Variants in GPC3 observed in about 807,000 individuals in gnomAD.
The protein encoded by GPC3 is glypican-3.
Under a neutral mutation model 34.4 loss-of-function variants are expected in GPC3, and 3 were observed. That is an observed-to-expected ratio of 0.09 (90% CI 0.04 to 0.23). The LOEUF (loss-of-function observed/expected upper bound fraction) is 0.23, where lower values mean the gene tolerates loss of function less well. Among genes scored for constraint, GPC3 ranks in the 10% least tolerant of loss-of-function variants. The pLI is 1.00. For synonymous variants in GPC3, 177 were observed against 174.0 expected, an observed-to-expected ratio of 1.02 and a Z score of -0.13; for missense variants, 351 against 445.6, an observed-to-expected ratio of 0.79 and a Z score of 1.91.
At chrX:133,631,598 G>A (rs1369800349) in intron 6 of GPC3, among the ~76,000 whole-genome samples, 1 of 111,639 alleles carries the variant, frequency 9.0e-6, no homozygotes, top group Non-Finnish European at 1.9e-5. Context: ...TGCAGACCTT[G>A]CTCTCAATTG....
At chrX:133,650,090 C>T (rs538438352) in intron 6 of GPC3, among the ~76,000 whole-genome samples, 3 of 111,945 alleles carry the variant, frequency 2.7e-5, no homozygotes, top group South Asian at 7.5e-4. Context: ...CACTCACAAA[C>T]ATATTATATG....
At chrX:133,857,224 T>C (rs2075907545) in intron 2 of GPC3, among the ~76,000 whole-genome samples, 1 of 111,779 alleles carries the variant, frequency 8.9e-6, no homozygotes, top group African/African-American at 3.3e-5. Context: ...TCCTTTTTCC[T>C]CCATCTTTTG....
intron 2 of GPC3, among the ~76,000 whole-genome samples, chrX:133,775,196 A>G (rs1036634220): frequency 1.8e-5 from 2 of 109,796 alleles, no homozygotes; most frequent in African/African-American, 6.6e-5. Context: ...TATCAACATG[A>G]GTTAACTTTT....
At chrX:133,597,566 A>C (rs1295149648) in intron 6 of GPC3, among the ~76,000 whole-genome samples, 3 of 111,384 alleles carry the variant, frequency 2.7e-5, no homozygotes, top group Middle Eastern at 4.3e-3. Context: ...CAGAAAGAAA[A>C]ATTGCTGCAA....
intron 3 of GPC3, among the ~76,000 whole-genome samples, chrX:133,727,546 G>C (rs1275581584): frequency 1.9e-5 from 2 of 103,617 alleles, no homozygotes; most frequent in Non-Finnish European, 3.9e-5. Context: ...ACGAAACACT[G>C]TCTCAAAAAA....
chrX:133,709,467 C>T lies in GPC3; in HGVS notation c.1033-9439G>A, dbSNP rs777052771. Among the ~76,000 whole-genome samples the T allele has an allele frequency of 6.3e-5, 7 of 111,774 alleles. No individual in the cohort carries two copies. The East Asian group carries it at 1.9e-3, about 31-fold the overall frequency. On this transcript the variant is annotated intron_variant, in intron 3 of 7. Coordinates refer to ENST00000370818, the MANE Select transcript of GPC3 (RefSeq NM_004484.4). The stretch of plus-strand genomic sequence containing the variant: ...TTCTCTTGAATCATCTATCATACCA[C>T]TATACAATTTCATTTAATTAAATCT...
intron 2 of GPC3, among the ~76,000 whole-genome samples, chrX:133,815,222 A>G (rs1309681974): frequency 9.5e-6 from 1 of 105,747 alleles, no homozygotes; most frequent in Admixed American, 1.0e-4. Flanking sequence ...GGAATTATGC[A>G]TCATAGTCAC....
At chrX:133,678,743 T>C (rs751360611) in intron 5 of GPC3, among the ~76,000 whole-genome samples, 1 of 111,988 alleles carries the variant, frequency 8.9e-6, no homozygotes, top group African/African-American at 3.2e-5. Context: ...GTATAGGAAT[T>C]TGTAATGGTA....
chrX:133,883,917 G>A (rs931510547), intron 2 of GPC3, among the ~76,000 whole-genome samples: 12 of 111,586 alleles, frequency 1.1e-4, no homozygotes, highest in East Asian at 2.8e-4. Context: ...TTTCTGGCTC[G>A]TTGTCAAAGA....
intron 6 of GPC3, among the ~76,000 whole-genome samples, chrX:133,655,498 ACACACACC>A (rs1312020372): frequency 3.1e-3 from 330 of 108,139 alleles, no homozygotes; most frequent in African/African-American, 0.011. Context: ...ACACACACAC[ACACACACC>A]CACACACACA....
chrX:133,758,206 C>A (rs1358550929), intron 2 of GPC3, among the ~76,000 whole-genome samples: 3 of 111,493 alleles, frequency 2.7e-5, no homozygotes, highest in African/African-American at 9.8e-5. Flanking sequence ...TTGGTATACA[C>A]CCAAAGGAAT....
chrX:133,701,593 G>A (rs1258918291), intron 3 of GPC3, among the ~76,000 whole-genome samples: 2 of 112,344 alleles, frequency 1.8e-5, no homozygotes, highest in Non-Finnish European at 3.8e-5. Context: ...TATCTGGCAA[G>A]GAGAAGGGTT....
intron 1 of GPC3, among the ~76,000 whole-genome samples, chrX:133,980,836 T>C (rs2076534823): frequency 8.9e-6 from 1 of 112,323 alleles, no homozygotes; most frequent in African/African-American, 3.2e-5. Flanking sequence ...AATCCAGGAC[T>C]CTTTTCCCCC....
chrX:133,731,202 A>G lies in GPC3; in HGVS notation c.1032+22280T>C, dbSNP rs1381192437. Among the ~76,000 whole-genome samples, 8 of 112,442 alleles carry G rather than the reference A, an allele frequency of 7.1e-5. No homozygotes were observed. The Admixed American group carries it at 7.5e-4, about 11-fold the overall frequency. On this transcript the variant is annotated intron_variant, in intron 3 of 7. Coordinates refer to ENST00000370818, the MANE Select transcript of GPC3 (RefSeq NM_004484.4). ...TAAGGGAAGCTTGTAATTTCAGAGG[A>G]TACCTCCCATGGCACCTCTAACAGA...
intron 6 of GPC3, among the ~76,000 whole-genome samples, chrX:133,646,718 T>C (rs759711952): frequency 2.7e-5 from 3 of 112,184 alleles, no homozygotes; most frequent in Non-Finnish European, 5.6e-5. Context: ...TTCCCATCTT[T>C]GCTCAATACT....
intron 5 of GPC3, among the ~76,000 whole-genome samples, chrX:133,673,433 G>T (rs911339252): frequency 2.4e-4 from 27 of 112,327 alleles, no homozygotes; most frequent in African/African-American, 8.1e-4. Context: ...CCCCCAAATA[G>T]AATAGCAAAG....
intron 4 of GPC3, among the ~76,000 whole-genome samples, chrX:133,694,915 C>G (rs745644526): frequency 3.6e-5 from 4 of 110,847 alleles, no homozygotes; most frequent in African/African-American, 1.3e-4. Flanking sequence ...CATAAGACCT[C>G]CCACTTTAGT....
intron 6 of GPC3, among the ~76,000 whole-genome samples, chrX:133,599,371 C>T (rs750111108): frequency 8.9e-6 from 1 of 112,234 alleles, no homozygotes; most frequent in African/African-American, 3.2e-5. Flanking sequence ...GTGATGAATA[C>T]AATGACTACT....
chrX:133,718,564 A>G (rs1195739860), intron 3 of GPC3, among the ~76,000 whole-genome samples: 1 of 111,427 alleles, frequency 9.0e-6, no homozygotes, highest in Non-Finnish European at 1.9e-5. Flanking sequence ...TGACAGATAT[A>G]AATCTTACCT....
Sources: allele counts gnomAD v4.1 joint callset (sites outside exome capture counted in the v4.1 genomes callset), GRCh38; gene constraint gnomAD v4.1.1; transcripts MANE v1.5; gene names NCBI Gene and HGNC (gene_info 2026-07-23, HGNC 2026-07-21).